The following PRTFDC1 variants were observed in gnomAD, a reference collection of about 807,000 sequenced individuals.
PRTFDC1 encodes the protein phosphoribosyl transferase domain containing 1.
In PRTFDC1, 38 loss-of-function variants were observed where a neutral mutation model predicts 34.6. The observed-to-expected ratio is 1.10, with a 90% confidence interval of 0.85 to 1.44. PRTFDC1 has a LOEUF of 1.44. Ranked by LOEUF, PRTFDC1 falls within the 40% of genes most tolerant of loss-of-function variation. The pLI, the probability that PRTFDC1 is intolerant of heterozygous loss-of-function variation, is 0.00. For synonymous variants in PRTFDC1, 93 were observed against 98.1 expected (o/e 0.95, Z 0.31); for missense variants, 270 against 283.0 (o/e 0.95, Z 0.33).
intron 3 of PRTFDC1, among the ~76,000 whole-genome samples, chr10:24,925,348 G>A (rs1340528654): frequency 6.6e-6 from 1 of 152,144 alleles, no homozygotes; most frequent in Non-Finnish European, 1.5e-5. Flanking sequence ...CGGAGGGATA[G>A]CATTAGGAGA....
At chr10:24,872,632 C>T (rs1171252024) in intron 3 of PRTFDC1, among the ~76,000 whole-genome samples, 8 of 151,472 alleles carry the variant, frequency 5.3e-5, no homozygotes, top group Admixed American at 5.3e-4. Flanking sequence ...GATGAGGTCT[C>T]AGCCAATTTC....
chr10:24,928,407 C>T (rs189337623), intron 3 of PRTFDC1, among the ~76,000 whole-genome samples: 74 of 152,232 alleles, frequency 4.9e-4, no homozygotes, highest in South Asian at 6.2e-4. Flanking sequence ...CTCTGCTAAA[C>T]ACAGATTTCC....
chr10:24,942,131 C>T (rs903733894), intron 2 of PRTFDC1, among the ~76,000 whole-genome samples, 199 bp downstream of exon 2: 3 of 152,108 alleles, frequency 2.0e-5, no homozygotes, highest in Non-Finnish European at 4.4e-5. Flanking sequence ...ATTACCATAC[C>T]GCCTGAACAA....
At chr10:24,888,297 T>G (rs1848203635) in intron 3 of PRTFDC1, among the ~76,000 whole-genome samples, 1 of 152,188 alleles carries the variant, frequency 6.6e-6, no homozygotes, top group Admixed American at 6.5e-5. Context: ...AAAGAGTGGC[T>G]CAGACCCTGC....
intron 3 of PRTFDC1, among the ~76,000 whole-genome samples, chr10:24,880,615 C>A (rs747407178): frequency 1.3e-5 from 2 of 152,070 alleles, no homozygotes; most frequent in Non-Finnish European, 2.9e-5. Context: ...GTGGACTGAC[C>A]CCATGAGGCA....
intron 3 of PRTFDC1, among the ~76,000 whole-genome samples, chr10:24,889,860 A>T (rs1848231408): frequency 6.6e-6 from 1 of 152,080 alleles, no homozygotes; most frequent in African/African-American, 2.4e-5. Flanking sequence ...GAGTTATTAA[A>T]TTTTTTCTTT....
chr10:24,860,515 A>C (rs985337145), intron 4 of PRTFDC1, among the ~76,000 whole-genome samples: 1 of 152,212 alleles, frequency 6.6e-6, no homozygotes, highest in Non-Finnish European at 1.5e-5. Flanking sequence ...TTAACTTTGC[A>C]CCGTATATCA....
intron 3 of PRTFDC1, among the ~76,000 whole-genome samples, chr10:24,899,200 T>C (rs1028758881): frequency 3.9e-5 from 6 of 152,288 alleles, no homozygotes; most frequent in African/African-American, 1.4e-4. Context: ...ATACCACCGT[T>C]GGGGCAACTG....
chr10:24,937,203 A>C lies in PRTFDC1; in HGVS notation c.320T>G (p.Ile107Ser). The C allele has an allele frequency of 6.2e-7, 1 of 1,613,234 alleles. No individual in the cohort carries two copies. The highest frequency in any genetic ancestry group is 2.2e-5 in the East Asian group (1 of 44,860). Residue 107 changes from isoleucine to serine, a missense_variant, in exon 3 of 9, where the codon ATC becomes AGC. Coordinates refer to ENST00000320152, the MANE Select transcript of PRTFDC1 (RefSeq NM_020200.7). ...DRFVSMKVDF[I>S]RLKSYRNDQS... is the part of the protein sequence containing the mutation. Reference sequence around the variant, plus strand: ...ACTTACCCTGTAACTTTTTAGTCTGATGAAATCAACCTTCATTGAGACAAA... The same window carrying C: ...ACTTACCCTGTAACTTTTTAGTCTGCTGAAATCAACCTTCATTGAGACAAA...
At chr10:24,906,659 C>T (rs146954055) in intron 3 of PRTFDC1, among the ~76,000 whole-genome samples, 90 of 152,292 alleles carry the variant, frequency 5.9e-4, no homozygotes, top group African/African-American at 1.9e-3. Context: ...TGCTAAGGGA[C>T]CAGTTAACTG....
chr10:24,939,478 TA>T (rs755137102), intron 2 of PRTFDC1, among the ~76,000 whole-genome samples: 133 of 151,716 alleles, frequency 8.8e-4, no homozygotes, highest in Non-Finnish European at 1.5e-3. Context: ...CAGGGTGGAT[TA>T]AAAAAAGATC....
intron 4 of PRTFDC1, among the ~76,000 whole-genome samples, chr10:24,864,182 A>G (rs1338358025): frequency 6.6e-6 from 1 of 152,202 alleles, no homozygotes; most frequent in African/African-American, 2.4e-5. Context: ...GAGCAAAGGA[A>G]GTGATTTCTT....
chr10:24,932,576 A>C (rs550938178), intron 3 of PRTFDC1, among the ~76,000 whole-genome samples: 1 of 152,026 alleles, frequency 6.6e-6, no homozygotes, highest in Non-Finnish European at 1.5e-5. Flanking sequence ...ATATATAAGT[A>C]TATATCTAAC....
intron 1 of PRTFDC1, among the ~76,000 whole-genome samples, chr10:24,944,288 G>A (rs551967149): frequency 1.3e-5 from 2 of 152,252 alleles, no homozygotes; most frequent in East Asian, 1.9e-4. Context: ...ATCGCCCTCA[G>A]GCAACACAGC....
chr10:24,880,844 T>TTTCC (rs1307958759), intron 3 of PRTFDC1, among the ~76,000 whole-genome samples: 2 of 148,992 alleles, frequency 1.3e-5, no homozygotes, highest in African/African-American at 5.0e-5. Flanking sequence ...TCTTTCTTTC[T>TTTCC]TTCTTTCTTT....
chr10:24,914,498 A>C (rs562203877), intron 3 of PRTFDC1, among the ~76,000 whole-genome samples: 1 of 152,306 alleles, frequency 6.6e-6, no homozygotes, highest in South Asian at 2.1e-4. Context: ...GTGCCTCACA[A>C]AGATGTACTT....
At chr10:24,901,686 G>A (rs972496447) in intron 3 of PRTFDC1, among the ~76,000 whole-genome samples, 2 of 152,150 alleles carry the variant, frequency 1.3e-5, no homozygotes, top group Admixed American at 6.5e-5. Flanking sequence ...CTGTGATTTC[G>A]CCACTGCACT....
chr10:24,912,298 A>C (rs1848638645), intron 3 of PRTFDC1, among the ~76,000 whole-genome samples: 1 of 144,956 alleles, frequency 6.9e-6, no homozygotes, highest in African/African-American at 2.6e-5. Context: ...AAAAAAAAGA[A>C]AGAAATTGCT....
At chr10:24,860,186 C>T (rs1451265203) in intron 4 of PRTFDC1, among the ~76,000 whole-genome samples, 3 of 152,076 alleles carry the variant, frequency 2.0e-5, no homozygotes, top group Non-Finnish European at 4.4e-5. Flanking sequence ...TCAAGACCAG[C>T]CTGGCCAATT....
Sources: allele counts gnomAD v4.1 joint callset (sites outside exome capture counted in the v4.1 genomes callset), GRCh38; gene constraint gnomAD v4.1.1; transcripts MANE v1.5; gene names NCBI Gene and HGNC (gene_info 2026-07-23, HGNC 2026-07-21).